Variants in VSIG1 observed in about 807,000 individuals in gnomAD.
VSIG1 encodes V-set and immunoglobulin domain-containing protein 1.
In VSIG1, 11 loss-of-function variants were observed where a neutral mutation model predicts 20.1. That is an observed-to-expected ratio of 0.55 (90% CI 0.34 to 0.91). The LOEUF is 0.91. Ranked by LOEUF, VSIG1 falls within the 40% of genes least tolerant of loss-of-function variation. VSIG1 has a pLI of 0.02. For synonymous variants in VSIG1, 126 were observed against 116.7 expected (o/e 1.08, Z -0.52); for missense variants, 283 against 298.8 (o/e 0.95, Z 0.39).
chrX:108,068,695 C>T (rs2031181854), intron 3 of VSIG1, among the ~76,000 whole-genome samples: 2 of 111,935 alleles, frequency 1.8e-5, no homozygotes, highest in African/African-American at 6.5e-5. Flanking sequence ...CAGGCCCTAT[C>T]GCCAAAATTA....
intron 1 of VSIG1, among the ~76,000 whole-genome samples, chrX:108,047,875 T>TATATATATACAC (rs1569287166): frequency 2.1e-4 from 6 of 28,734 alleles, no homozygotes; most frequent in East Asian, 7.5e-4. Context: ...TATATACACA[T>TATATATATACAC]ATATATATAT....
chrX:108,062,714 A>G (rs932471407), intron 2 of VSIG1, among the ~76,000 whole-genome samples: 1 of 111,620 alleles, frequency 9.0e-6, no homozygotes, highest in East Asian at 2.8e-4. Context: ...ACCACAATAC[A>G]GTCCAAATAA....
chrX:108,048,421 A>G (rs1170410438), intron 1 of VSIG1, among the ~76,000 whole-genome samples: 1 of 112,774 alleles, frequency 8.9e-6, no homozygotes, highest in Non-Finnish European at 1.9e-5. Flanking sequence ...CACAACGTGC[A>G]GGTAAGCACT....
chrX:108,070,371 G>C (rs2031214882), intron 3 of VSIG1, among the ~76,000 whole-genome samples: 1 of 111,441 alleles, frequency 9.0e-6, no homozygotes, highest in Non-Finnish European at 1.9e-5. Flanking sequence ...TTCAATCCTG[G>C]GTCAGTAGTT....
At chrX:108,043,170 G>A (rs1225854466), upstream of VSIG1, among the ~76,000 whole-genome samples, 2 of 111,299 alleles carry the variant, frequency 1.8e-5, no homozygotes, top group Non-Finnish European at 3.8e-5. Context: ...TCATATCTTG[G>A]GAAATGAAAG....
chrX:108,047,953 TAC>T (rs1158174171), intron 1 of VSIG1, among the ~76,000 whole-genome samples: 1,297 of 14,946 alleles, frequency 0.087, 207 homozygotes, highest in African/African-American at 0.2. Context: ...TATATATATA[TAC>T]ACACACATAT....
At position 108,053,630 on chromosome X, in the gene VSIG1, A is replaced by G. The variant is rs191884111; in HGVS notation, c.50-4408A>G. 6.4e-3 allele frequency among the ~76,000 whole-genome samples: 718 copies of G among 111,933 alleles called. 7 individuals carry two copies. Among genetic ancestry groups the G allele is most frequent in the African/African-American group, 0.022 (673 of 30,904 alleles). ...ATAAAATAGCAAACAAGAATAATAT[A>G]TCAATAATTACATTAAATAATTATA... On this transcript the variant is annotated intron_variant, in intron 1 of 6. Coordinates refer to ENST00000217957, the MANE Select transcript of VSIG1 (RefSeq NM_182607.5).
At chrX:108,054,335 A>C (rs1351833912) in intron 1 of VSIG1, among the ~76,000 whole-genome samples, 1 of 111,435 alleles carries the variant, frequency 9.0e-6, no homozygotes, top group East Asian at 2.8e-4. Flanking sequence ...GAAATTCAAT[A>C]CCCCCTCTCA....
chrX:108,028,708 G>A, the VSIG1 span, among the ~76,000 whole-genome samples: 1 of 111,432 alleles, frequency 9.0e-6, no homozygotes, highest in Non-Finnish European at 1.9e-5. Flanking sequence ...TGAGCCAAAA[G>A]GTCCATCTGT....
intron 2 of VSIG1, chrX:108,061,607 T>C: frequency 1.1e-6 from 1 of 878,453 alleles, no homozygotes; most frequent in East Asian, 3.4e-5. Flanking sequence ...GCACCAGCTT[T>C]AGGAATGGGA....
chrX:108,044,678 A>C (rs1338895932), upstream of VSIG1, among the ~76,000 whole-genome samples: 1 of 111,759 alleles, frequency 8.9e-6, no homozygotes, highest in East Asian at 2.8e-4. Flanking sequence ...CCAATTTACT[A>C]ACTTAATTTG....
chrX:108,062,730 T>C (rs17320150), intron 2 of VSIG1, among the ~76,000 whole-genome samples: 3,927 of 111,685 alleles, frequency 0.035, 77 homozygotes, highest in Middle Eastern at 0.065. Flanking sequence ...AATAAAATTC[T>C]GAGCTTGTGA....
chrX:108,074,837 G>A (rs1427476246), intron 5 of VSIG1, among the ~76,000 whole-genome samples: 2 of 111,740 alleles, frequency 1.8e-5, no homozygotes, highest in East Asian at 5.6e-4. Context: ...TGGGGGAAGA[G>A]AATGGAGGGC....
At chrX:108,045,026 C>A, upstream of VSIG1, 1 of 621,479 alleles carries the variant, frequency 1.6e-6, no homozygotes, top group Non-Finnish European at 2.3e-6. Context: ...CGATGCCCAG[C>A]AGATAAGCCA....
chrX:108,025,112 T>G, the VSIG1 span, among the ~76,000 whole-genome samples: 5 of 111,730 alleles, frequency 4.5e-5, no homozygotes, highest in East Asian at 1.4e-3. Flanking sequence ...AATTTTTGCT[T>G]CATATATTTT....
intron 2 of VSIG1, among the ~76,000 whole-genome samples, chrX:108,060,537 A>T (rs1602574487): frequency 9.0e-6 from 1 of 111,425 alleles, no homozygotes; most frequent in Admixed American, 9.5e-5. Flanking sequence ...CTACTTCTAA[A>T]GAACCGGAGT....
At chrX:108,071,016 A>C (rs142032097) in intron 3 of VSIG1, among the ~76,000 whole-genome samples, 3,683 of 111,471 alleles carry the variant, frequency 0.033, 145 homozygotes, top group African/African-American at 0.11. Flanking sequence ...TATTGTATTT[A>C]ATACTTGGAT....
intron 1 of VSIG1, among the ~76,000 whole-genome samples, chrX:108,050,807 C>G (rs1376543133): frequency 9.0e-6 from 1 of 111,536 alleles, no homozygotes; most frequent in African/African-American, 3.3e-5. Context: ...CATTGTTCCT[C>G]CCTGCTAAGC....
the VSIG1 span, among the ~76,000 whole-genome samples, chrX:108,024,486 TTGAGA>T: frequency 9.2e-6 from 1 of 108,357 alleles, no homozygotes; most frequent in African/African-American, 3.3e-5. Context: ...TCTGCTTGCT[TTGAGA>T]TCAGTTTCTT....
Sources: gnomAD v4.1 joint callset for allele counts (sites outside exome capture counted in the v4.1 genomes callset) on GRCh38, gnomAD v4.1.1 for gene constraint, MANE v1.5 for transcripts, NCBI Gene and HGNC (gene_info 2026-07-23, HGNC 2026-07-21) for gene names.